Variants in SETD1A observed in about 807,000 individuals in gnomAD.
SETD1A encodes histone-lysine N-methyltransferase SETD1A.
In SETD1A, 29 loss-of-function variants were observed where a neutral mutation model predicts 149.9. That is an observed-to-expected ratio of 0.19 (90% CI 0.14 to 0.26). The LOEUF (loss-of-function observed/expected upper bound fraction) is 0.26, where lower values mean the gene tolerates loss of function less well. SETD1A is among the 10% of genes least tolerant of loss of function. The pLI is 1.00. For missense variants in SETD1A, 2,109 were observed against 2,353.1 expected (o/e 0.90, Z 2.15); for synonymous variants, 1,141 against 968.5 (o/e 1.18, Z -3.31).
At chr16:30,959,986 C>T (rs1430855493) in intron 3 of SETD1A, among the ~76,000 whole-genome samples, 2 of 152,148 alleles carry the variant, frequency 1.3e-5, no homozygotes, top group Non-Finnish European at 2.9e-5. Flanking sequence ...TCCCTCTACT[C>T]ATATGTGGCA....
chr16:30,971,167 A>G (rs189569658), intron 12 of SETD1A, among the ~76,000 whole-genome samples: 33 of 152,244 alleles, frequency 2.2e-4, no homozygotes, highest in African/African-American at 7.5e-4. Flanking sequence ...GGGCCTCTTC[A>G]GACAGAGTCT....
chr16:30,967,524 A>C lies in SETD1A; in HGVS notation c.2706A>C (p.Glu902Asp). 6.2e-7 allele frequency: 1 copy of C among 1,613,984 alleles called. No homozygotes were observed. Among genetic ancestry groups the C allele is most frequent in the South Asian group, 1.1e-5 (1 of 91,064 alleles). Reference sequence around the variant, plus strand: ...AGGTAAAGCGGAAAGAGCCATCGGAAATTTCCGAGGCCAGTGAGGAAAAGA... The same window carrying C: ...AGGTAAAGCGGAAAGAGCCATCGGACATTTCCGAGGCCAGTGAGGAAAAGA... Reference protein sequence around the residue: ...SFKVKRKEPSEISEASEEKRP... With the variant: ...SFKVKRKEPSDISEASEEKRP... The change falls in exon 10 of 19, where the codon GAA becomes GAC. Residue 902 changes from glutamate (E) to aspartate (D), a missense_variant. Physicochemically the swap from Glu to Asp is conservative, Grantham distance 45. Around this residue, in one of 8 missense-constraint regions of SETD1A, gnomAD observed 832 missense variants for 815.6 expected, o/e 1.02. Coordinates refer to ENST00000262519, the MANE Select transcript of SETD1A (RefSeq NM_014712.3).
chr16:30,966,313 A>G lies in SETD1A; in HGVS notation c.2432A>G (p.Asn811Ser), dbSNP rs201168236. 112 of 1,613,798 alleles carry G rather than the reference A, an allele frequency of 6.9e-5. No homozygotes were observed. Among genetic ancestry groups the G allele is most frequent in the Non-Finnish European group, 8.8e-5 (104 of 1,180,038 alleles). ...EMKSIMQRDL[N>S]RKMVENVAFG... is the part of the protein sequence containing the mutation. ...AAGAGCATCATGCAGCGAGACCTCAACCGCAAGATGGTGGAGAACGTGGCC... is the reference window on the plus strand; with the variant it reads ...AAGAGCATCATGCAGCGAGACCTCAGCCGCAAGATGGTGGAGAACGTGGCC... Residue 811 changes from asparagine to serine, a missense_variant, in exon 8 of 19, where the codon AAC becomes AGC. By Grantham distance (46) the Asn-to-Ser change is conservative. Transcript: ENST00000262519.
chr16:30,966,064 T>G lies in SETD1A; in HGVS notation c.2183T>G (p.Leu728Trp). 1 of 1,576,554 alleles carries G rather than the reference T, an allele frequency of 6.3e-7. No individual in the cohort carries two copies. Among genetic ancestry groups the G allele is most frequent in the Non-Finnish European group, 8.6e-7 (1 of 1,159,994 alleles). The change falls in exon 8 of 19, where the codon TTG becomes TGG. Residue 728 changes from leucine to tryptophan, a missense_variant. Physicochemically the swap from Leu to Trp is moderately conservative, Grantham distance 61. Transcript: ENST00000262519. ...CCCCCGCAGGAGGCAGCCTACGGCT[T>G]GCCGTATGCTCTATATGCACAGGGG... ...FPPPQEAAYG[L>W]PYALYAQGQE...
intron 2 of SETD1A, 49 bp from the exon 3 acceptor site, chr16:30,959,042 A>G: frequency 6.7e-7 from 1 of 1,500,698 alleles, no homozygotes. Flanking sequence ...GGAGCTCCCT[A>G]GCCTGGATTC....
At chr16:30,976,064 T>C (rs1038661856) in intron 13 of SETD1A, among the ~76,000 whole-genome samples, 6 of 151,726 alleles carry the variant, frequency 4.0e-5, no homozygotes, top group Non-Finnish European at 7.4e-5. Flanking sequence ...ACCCTGTTGC[T>C]GTAGGACTGT....
At chr16:30,970,845 T>C (rs752111394) in intron 12 of SETD1A, among the ~76,000 whole-genome samples, 11 of 152,218 alleles carry the variant, frequency 7.2e-5, no homozygotes, top group South Asian at 6.2e-4. Flanking sequence ...GTCTAACTTA[T>C]CCAATTCTGT....
intron 1 of SETD1A, 47 bp downstream of exon 1, chr16:30,958,011 G>C (rs1445224211): frequency 6.6e-6 from 1 of 151,834 alleles, no homozygotes; most frequent in Non-Finnish European, 1.5e-5. Context: ...GTGGTGGGGG[G>C]GCGCCGCCGC....
In SETD1A at chr16:30,965,678, G is replaced by A. The variant is rs764474093; in HGVS notation, c.1797G>A (p.Thr599=). Residue 599 remains threonine (T), a synonymous_variant, in exon 8 of 19, where the codon ACG becomes ACA. Transcript: ENST00000262519. ...DRGGSPPPAP[T]PPQQPPPPPP... is the part of the protein sequence containing the mutation. ...GTGGCTCACCCCCTCCGGCCCCGAC[G>A]CCCCCTCAGCAGCCTCCGCCACCTC... 16 of 1,472,796 alleles carry A rather than the reference G, an allele frequency of 1.1e-5. No individual in the cohort carries two copies. Among genetic ancestry groups the A allele is most frequent in the East Asian group, 7.4e-5 (3 of 40,316 alleles). 91.2% of individuals were successfully genotyped at this position (1,472,796 alleles called of 1,614,324 possible).
chr16:30,965,400 C>T lies in SETD1A; in HGVS notation c.1658C>T (p.Pro553Leu). ...PAPANFEDVAPTGSGEPGATR... is the reference protein window; with the variant it reads ...PAPANFEDVALTGSGEPGATR... ...CCAGCTAATTTTGAGGATGTGGCAC[C>T]TACAGGGAGCGGGGAGCCAGGGGCT... The change falls in exon 7 of 19, where the codon CCT becomes CTT. Residue 553 changes from proline (P) to leucine (L), a missense_variant. Transcript: ENST00000262519. The T allele has an allele frequency of 6.2e-7, 1 of 1,607,854 alleles. No homozygotes were observed.
Position 30,965,225 on chromosome 16 carries a change from C to T in SETD1A, c.1483C>T (p.Leu495=). Residue 495 remains leucine (L), a synonymous_variant, in exon 7 of 19, where the codon CTG becomes TTG. Coordinates refer to ENST00000262519, the MANE Select transcript of SETD1A (RefSeq NM_014712.3). ...CAGCCTGGATTCCCGCATCGAGATG[C>T]TGCTGAAGGAGCAGCGCTCCAAGTT... is the stretch of plus-strand genomic sequence containing the variant. ...HSSLDSRIEM[L]LKEQRSKFSF... 1 of 1,614,244 alleles carries T rather than the reference C, an allele frequency of 6.2e-7. No individual in the cohort carries two copies. Among genetic ancestry groups the T allele is most frequent in the Non-Finnish European group, 8.5e-7 (1 of 1,180,046 alleles).
chr16:30,971,519 C>A lies in SETD1A; in HGVS notation c.3158C>A (p.Ser1053Ter), dbSNP rs150754116. ...SSSSSSSSSSSSSSSSESSSE... is the reference protein window; with the variant it reads ...SSSSSSSSSS Reference sequence around the variant, plus strand: ...TCCTCCTCCTCGTCCTCATCCTCCTCGTCCTCTTCATCCTCTGAGTCCTCC... The same window carrying A: ...TCCTCCTCCTCGTCCTCATCCTCCTAGTCCTCTTCATCCTCTGAGTCCTCC... Residue 1053 changes from serine to a stop codon, truncating the protein, a stop_gained, in exon 13 of 19, where the codon TCG becomes TAG. Coordinates refer to ENST00000262519, the MANE Select transcript of SETD1A (RefSeq NM_014712.3). LOFTEE classifies it high-confidence loss of function. 1 of 1,613,864 alleles carries A rather than the reference C, an allele frequency of 6.2e-7. No homozygotes were observed. The highest frequency in any genetic ancestry group is 8.5e-7 in the Non-Finnish European group (1 of 1,179,866).
chr16:30,958,819 C>G lies in SETD1A; in HGVS notation c.88C>G (p.Pro30Ala), dbSNP rs559847418. The G allele has an allele frequency of 6.2e-7, 1 of 1,614,170 alleles. No individual in the cohort carries two copies. Among genetic ancestry groups the G allele is most frequent in the South Asian group, 1.1e-5 (1 of 91,092 alleles). Residue 30 changes from proline (P) to alanine (A), a missense_variant, in exon 2 of 19, where the codon CCT becomes GCT. Pro to Ala is a conservative substitution (Grantham distance 27). Coordinates refer to ENST00000262519, the MANE Select transcript of SETD1A (RefSeq NM_014712.3). The part of the protein sequence containing the change: ...YKLIVDPALD[P>A]ALRRPSQKVY... ...GCTCATCGTGGATCCTGCCTTGGACCCTGCCCTGCGCAGGCCTTCTCAGAA... is the reference window on the plus strand; with the variant it reads ...GCTCATCGTGGATCCTGCCTTGGACGCTGCCCTGCGCAGGCCTTCTCAGAA...
chr16:30,968,094 A>G (rs1388980510), intron 10 of SETD1A, among the ~76,000 whole-genome samples: 1 of 152,162 alleles, frequency 6.6e-6, no homozygotes, highest in Non-Finnish European at 1.5e-5. Flanking sequence ...TACAAGATCA[A>G]ATGGACAGGA....
At position 30,979,596 on chromosome 16, in the gene SETD1A, C is replaced by T; in HGVS notation, c.3810C>T (p.Ala1270=). ...ALTPARRGLP[A]LPAVEDSEAT... is the part of the protein sequence containing the mutation. Reference sequence around the variant, plus strand: ...CCCCTGCCCGGCGCGGGCTGCCTGCCCTGCCTGCTGTTGAAGACTCAGAGG... The same window carrying T: ...CCCCTGCCCGGCGCGGGCTGCCTGCTCTGCCTGCTGTTGAAGACTCAGAGG... The change falls in exon 14 of 19, where the codon GCC becomes GCT. Residue 1270 remains alanine (A), a synonymous_variant. Transcript: ENST00000262519. The T allele has an allele frequency of 2.5e-6, 4 of 1,611,172 alleles. No homozygotes were observed. In the South Asian group the frequency reaches 3.3e-5, roughly 13 times the overall value.
chr16:30,967,082 T>C, intron 9 of SETD1A, 22 bp downstream of exon 9: 1 of 1,503,738 alleles, frequency 6.7e-7, no homozygotes, highest in Non-Finnish European at 8.9e-7. Context: ...TGTCGTTTTG[T>C]GGGGTAGGGT....
At position 30,965,245 on chromosome 16, in the gene SETD1A, C is replaced by T; in HGVS notation, c.1503C>T (p.Ser501=). The change falls in exon 7 of 19, where the codon TCC becomes TCT. Residue 501 remains serine, a synonymous_variant. Coordinates refer to ENST00000262519, the MANE Select transcript of SETD1A (RefSeq NM_014712.3). ...AGATGCTGCTGAAGGAGCAGCGCTCCAAGTTTTCCTTCTTGGCCTCTGACA... is the reference window on the plus strand; with the variant it reads ...AGATGCTGCTGAAGGAGCAGCGCTCTAAGTTTTCCTTCTTGGCCTCTGACA... ...RIEMLLKEQR[S]KFSFLASDTE... is the part of the protein sequence containing the mutation. The T allele has an allele frequency of 6.2e-7, 1 of 1,614,242 alleles. No individual in the cohort carries two copies. The highest frequency in any genetic ancestry group is 8.5e-7 in the Non-Finnish European group (1 of 1,180,042).
intron 17 of SETD1A, among the ~76,000 whole-genome samples, chr16:30,981,621 C>T (rs2056379114): frequency 6.6e-6 from 1 of 152,204 alleles, no homozygotes; most frequent in East Asian, 1.9e-4. Flanking sequence ...GTTCTGCCTG[C>T]CTTGGCCACT....
chr16:30,980,286 C>T lies in SETD1A; in HGVS notation c.4408+92C>T. On this transcript the variant is annotated intron_variant, in intron 14 of 18. Transcript: ENST00000262519. The surrounding 1 kb of genome is among the most constrained non-coding windows in gnomAD (Gnocchi z 7.7). The stretch of plus-strand genomic sequence containing the variant: ...CTGTGCCCCACTCTGTCTGCCTCCC[C>T]TCTGGCTCCAAGCCATCTTTTCTCT... The T allele has an allele frequency of 2.7e-6, 4 of 1,469,812 alleles. No individual in the cohort carries two copies. The highest frequency in any genetic ancestry group is 3.6e-6 in the Non-Finnish European group (4 of 1,105,750). The allele number at this position is 1,469,812 out of a possible 1,614,324, so 91.0% of individuals were successfully genotyped here. A position where few individuals can be genotyped will look rare whatever the true frequency, so the allele number is the denominator to read the frequency against.
Sources: gnomAD v4.1 joint callset for allele counts (sites outside exome capture counted in the v4.1 genomes callset) on GRCh38, gnomAD v4.1.1 for gene constraint, gnomAD v4.1.1 regional missense constraint, Gnocchi (gnomAD v3.1) non-coding constraint, MANE v1.5 for transcripts, NCBI Gene and HGNC (gene_info 2026-07-23, HGNC 2026-07-21) for gene names.